RIC1: variants seen among roughly 807,000 people sequenced by gnomAD.
RIC1 encodes guanine nucleotide exchange factor subunit RIC1.
RIC1 carries 88 observed loss-of-function variants against 169.0 expected under a neutral mutation model. The observed-to-expected ratio is 0.52, with a 90% CI of 0.44 to 0.62. The LOEUF is 0.62. RIC1 is among the 20% of genes least tolerant of loss of function. The pLI, the probability that RIC1 is intolerant of heterozygous loss-of-function variation, is 0.00. For missense variants in RIC1, 1,877 were observed against 1,725.5 expected (o/e 1.09, Z -1.56); for synonymous variants, 790 against 601.5 (o/e 1.31, Z -4.59).
chr9:5,657,759 A>G (rs1235048899), intron 2 of RIC1, among the ~76,000 whole-genome samples: 1 of 152,146 alleles, frequency 6.6e-6, no homozygotes, highest in African/African-American at 2.4e-5. Flanking sequence ...CAGATGACTG[A>G]CCATGTACCA....
chr9:5,764,044 T>C (rs1321440055), intron 19 of RIC1, among the ~76,000 whole-genome samples, 176 bp downstream of exon 19: 1 of 152,160 alleles, frequency 6.6e-6, no homozygotes, highest in Admixed American at 6.5e-5. Context: ...AAAGTAACAT[T>C]GCAGAGATAT....
chr9:5,761,304 G>C (rs983565282), intron 17 of RIC1, among the ~76,000 whole-genome samples: 2 of 151,520 alleles, frequency 1.3e-5, no homozygotes, highest in Non-Finnish European at 2.9e-5. Flanking sequence ...AGTAGAGACG[G>C]GGTTTCACCA....
downstream of RIC1, among the ~76,000 whole-genome samples, chr9:5,778,116 AATGTCTTTT>A (rs1827680260): frequency 6.6e-6 from 1 of 151,910 alleles, no homozygotes; most frequent in Non-Finnish European, 1.5e-5. Context: ...TTGGGTTTTT[AATGTCTTTT>A]AACAGTGGAT....
intron 8 of RIC1, among the ~76,000 whole-genome samples, chr9:5,742,547 T>G (rs1311576921): frequency 6.6e-6 from 1 of 152,160 alleles, no homozygotes; most frequent in Non-Finnish European, 1.5e-5. Flanking sequence ...ACCTTATCCT[T>G]GTTTTACAGA....
intron 7 of RIC1, among the ~76,000 whole-genome samples, chr9:5,733,714 A>T (rs540407552): frequency 3.4e-4 from 52 of 152,288 alleles, no homozygotes; most frequent in African/African-American, 1.1e-3. Flanking sequence ...AGTAAGTTTA[A>T]CTTAGTACAA....
chr9:5,763,530 C>T lies in RIC1; in HGVS notation c.2503C>T (p.Leu835Phe), dbSNP rs749974767. 1 of 1,614,202 alleles carries T rather than the reference C, an allele frequency of 6.2e-7. No individual in the cohort carries two copies. The highest frequency in any genetic ancestry group is 1.1e-5 in the South Asian group (1 of 91,084). Residue 835 changes from leucine (L) to phenylalanine (F), a missense_variant, in exon 19 of 26, where the codon CTT (leucine) becomes TTT (phenylalanine). This residue lies in a region of RIC1 where 92 missense variants were observed against 151.5 expected (regional missense o/e 0.61). Transcript: ENST00000414202. This position sits in a 1 kb window ranked among gnomAD's most constrained non-coding sequence, Gnocchi z 5.2. Reference sequence around the variant, plus strand: ...CTACCTCCACCACATTCTACGTCAACTTCTGGTCAGAAACCTTGGGGAGCA... The same window carrying T: ...CTACCTCCACCACATTCTACGTCAATTTCTGGTCAGAAACCTTGGGGAGCA... ...QIYLHHILRQ[L>F]LVRNLGEQAL...
intron 1 of RIC1, among the ~76,000 whole-genome samples, chr9:5,632,853 C>T (rs897433941): frequency 2.6e-5 from 4 of 152,110 alleles, no homozygotes; most frequent in African/African-American, 9.7e-5. Context: ...ATGTGAACAT[C>T]AGAATGGTAT....
At chr9:5,666,200 C>G (rs1819747441) in intron 2 of RIC1, among the ~76,000 whole-genome samples, 1 of 152,226 alleles carries the variant, frequency 6.6e-6, no homozygotes, top group African/African-American at 2.4e-5. Flanking sequence ...GCAGTCTGGC[C>G]ATGATCTGGC....
intron 2 of RIC1, among the ~76,000 whole-genome samples, chr9:5,657,849 A>G (rs1315933384): frequency 2.0e-5 from 3 of 152,164 alleles, no homozygotes; most frequent in Admixed American, 6.5e-5. Context: ...AAACAAGTCA[A>G]AGAAGAATAT....
chr9:5,644,159 T>A (rs1818387256), intron 1 of RIC1, among the ~76,000 whole-genome samples: 1 of 152,204 alleles, frequency 6.6e-6, no homozygotes, highest in Non-Finnish European at 1.5e-5. Context: ...GCATCCATAA[T>A]CACAGTCTAG....
intron 4 of RIC1, 54 bp from the exon 5 acceptor site, chr9:5,720,128 T>C: frequency 1.4e-6 from 2 of 1,450,568 alleles, no homozygotes; most frequent in Non-Finnish European, 1.9e-6. Flanking sequence ...TTAATATTCA[T>C]ACACATTGCT....
rs747048999 is a variant in RIC1 at position 5,769,153 on chromosome 9, T to C, written c.3321T>C (p.Phe1107=). The part of the protein sequence containing the change: ...ERTRAARVDN[F]VIALKRLHKD... ...CCCGAGCCGCCCGGGTAGACAACTT[T>C]GTAATAGCCCTGAAGAGACTCCACA... The change falls in exon 22 of 26, where the codon TTT becomes TTC. Residue 1107 remains phenylalanine (F), a synonymous_variant. Coordinates refer to ENST00000414202, the MANE Select transcript of RIC1 (RefSeq NM_020829.4). 3.7e-6 allele frequency: 6 copies of C among 1,614,130 alleles called. No individual in the cohort carries two copies. In the East Asian group the frequency reaches 1.3e-4, roughly 36 times the overall value.
At chr9:5,751,232 C>A (rs925524597) in intron 12 of RIC1, among the ~76,000 whole-genome samples, 1 of 151,738 alleles carries the variant, frequency 6.6e-6, no homozygotes, top group African/African-American at 2.4e-5. Flanking sequence ...TCAGGTACAT[C>A]CTCCTGCTGT....
intron 1 of RIC1, among the ~76,000 whole-genome samples, chr9:5,636,614 C>T (rs1210650741): frequency 6.6e-6 from 1 of 152,126 alleles, no homozygotes; most frequent in Non-Finnish European, 1.5e-5. Flanking sequence ...CCACCACTCC[C>T]AGCCATGTTT....
At chr9:5,700,587 T>A (rs1358776681) in intron 3 of RIC1, among the ~76,000 whole-genome samples, 3 of 151,514 alleles carry the variant, frequency 2.0e-5, no homozygotes, top group African/African-American at 7.2e-5. Flanking sequence ...TTTATAAATA[T>A]GCCTTATAAA....
At chr9:5,695,991 A>G (rs772641071) in intron 3 of RIC1, among the ~76,000 whole-genome samples, 1 of 152,192 alleles carries the variant, frequency 6.6e-6, no homozygotes, top group Non-Finnish European at 1.5e-5. Context: ...TGTACGTTGT[A>G]TGAGGTAGAA....
At chr9:5,743,657 C>T in intron 9 of RIC1, 32 bp from the exon 10 acceptor site, 1 of 1,537,912 alleles carries the variant, frequency 6.5e-7, no homozygotes, top group South Asian at 1.2e-5. Context: ...AATTGGAAGG[C>T]TGTATTATAT....
chr9:5,692,381 C>A (rs955895337), intron 3 of RIC1, among the ~76,000 whole-genome samples: 6 of 151,984 alleles, frequency 3.9e-5, no homozygotes, highest in Non-Finnish European at 7.4e-5. Flanking sequence ...AAGCACCTAG[C>A]TTATGGGATA....
At chr9:5,720,549 C>G in intron 5 of RIC1, 65 bp from the exon 6 acceptor site, 2 of 1,462,296 alleles carry the variant, frequency 1.4e-6, no homozygotes, top group Admixed American at 2.4e-5. Flanking sequence ...GTTTTTCTGG[C>G]AAAAAGTGAG....
Sources: gnomAD v4.1 joint callset for allele counts (sites outside exome capture counted in the v4.1 genomes callset) on GRCh38, gnomAD v4.1.1 for gene constraint, gnomAD v4.1.1 regional missense constraint, Gnocchi (gnomAD v3.1) non-coding constraint, MANE v1.5 for transcripts, NCBI Gene and HGNC (gene_info 2026-07-23, HGNC 2026-07-21) for gene names.